Variants in ITFG2 observed in about 807,000 individuals in gnomAD.
ITFG2 encodes the protein KICSTOR complex protein ITFG2.
Under a neutral mutation model 54.4 loss-of-function variants are expected in ITFG2, and 36 were observed. The observed-to-expected ratio is 0.66, with a 90% CI of 0.51 to 0.87. The LOEUF (loss-of-function observed/expected upper bound fraction) is 0.87, where lower values mean the gene tolerates loss of function less well. ITFG2 is among the 40% of genes least tolerant of loss of function. ITFG2 has a pLI of 0.00. For missense variants in ITFG2, 524 were observed against 576.7 expected (o/e 0.91, Z 0.94); for synonymous variants, 211 against 225.4 (o/e 0.94, Z 0.57).
At position 2,859,015 on chromosome 12, in the gene ITFG2, G is replaced by C. The variant is rs139471742; in HGVS notation, n.621-519G>C. The stretch of plus-strand genomic sequence containing the variant: ...GAGGCACCCTGGGAGGTTTGTACTG[G>C]GCTGAAATCCAGTCCCCCTACTTTG... On this transcript the variant is annotated intron_variant and non_coding_transcript_variant, in intron 3 of 3. Transcript: ENST00000537710. The C allele has an allele frequency of 2.5e-6, 4 of 1,612,250 alleles. No individual in the cohort carries two copies. The East Asian group carries it at 8.9e-5, about 36-fold the overall frequency.
At chr12:2,815,795 C>T (rs7298956) in intron 1 of ITFG2, among the ~76,000 whole-genome samples, 4,383 of 152,198 alleles carry the variant, frequency 0.029, 201 homozygotes, top group African/African-American at 0.1. Flanking sequence ...CCTCTCCTGC[C>T]CCCTAACACA....
upstream of ITFG2, chr12:2,834,660 G>A (rs201975553): frequency 1.8e-5 from 29 of 1,601,602 alleles, no homozygotes; most frequent in Admixed American, 1.9e-4. Flanking sequence ...TGGAGGTGCC[G>A]AGCCTCTTGA....
At chr12:2,825,345 A>C (rs764825124), downstream of ITFG2, 1 of 152,298 alleles carries the variant, frequency 6.6e-6, no homozygotes, top group South Asian at 2.1e-4. Context: ...AAGAACATCG[A>C]CATAGAGAAA....
In ITFG2 at chr12:2,844,112, G is replaced by T. The variant is rs1233460013; in HGVS notation, n.300+3117G>T. 1.3e-5 allele frequency among the ~76,000 whole-genome samples: 2 copies of T among 148,956 alleles called. 1 individual carries two copies. Among genetic ancestry groups the T allele is most frequent in the African/African-American group, 5.0e-5 (2 of 39,888 alleles). On this transcript the variant is annotated intron_variant and non_coding_transcript_variant, in intron 2 of 3. Coordinates refer to the ITFG2 transcript ENST00000537710. The stretch of plus-strand genomic sequence containing the variant: ...TCTACTAAAAATACAAAAAAAAATA[G>T]CCAGGCATGGTGGCACACGCTTGTG...
chr12:2,817,537 T>C (rs1395287905), intron 2 of ITFG2: 1 of 568,258 alleles, frequency 1.8e-6, no homozygotes, highest in African/African-American at 1.9e-5. Flanking sequence ...GGTGTTTTTG[T>C]GTCGTGGAGT....
chr12:2,857,386 G>A, intron 2 of ITFG2: 1 of 321,668 alleles, frequency 3.1e-6, no homozygotes, highest in Non-Finnish European at 6.0e-6. Context: ...TACCCCTCGT[G>A]AGCTTGTCTT....
downstream of ITFG2, chr12:2,830,918 C>T (rs1603484297): frequency 3.2e-6 from 5 of 1,570,628 alleles, no homozygotes; most frequent in Non-Finnish European, 4.3e-6. Flanking sequence ...ATCCAGGCTG[C>T]TCAGTTACCC....
At chr12:2,814,486 G>A (rs1484838054) in intron 1 of ITFG2, among the ~76,000 whole-genome samples, 2 of 152,100 alleles carry the variant, frequency 1.3e-5, no homozygotes, top group Non-Finnish European at 2.9e-5. Flanking sequence ...CATAGGGGTA[G>A]GAATGTTTTA....
chr12:2,826,965 A>G (rs187352921), downstream of ITFG2: 2 of 1,338,568 alleles, frequency 1.5e-6, no homozygotes, highest in African/African-American at 3.0e-5. Flanking sequence ...TGGGAGGAAG[A>G]TGAATCAGAA....
intron 2 of ITFG2, chr12:2,830,508 G>A (rs530972890): frequency 1.1e-4 from 61 of 531,388 alleles, no homozygotes; most frequent in African/African-American, 1.0e-3. Flanking sequence ...TAATGGTGGT[G>A]ACAGATGGAG....
upstream of ITFG2, among the ~76,000 whole-genome samples, chr12:2,835,328 G>A (rs192082796): frequency 3.4e-3 from 525 of 152,190 alleles, 3 homozygotes; most frequent in African/African-American, 0.012. Flanking sequence ...TGTGGCCCCC[G>A]CCCTCCTCTG....
rs924212979 is a variant in ITFG2, at chr12:2,821,552, C to G, written c.803C>G (p.Thr268Ser). 1.2e-6 allele frequency: 2 copies of G among 1,614,080 alleles called. No individual in the cohort carries two copies. The highest frequency in any genetic ancestry group is 1.3e-5 in the African/African-American group (1 of 74,924). ...LIGNIKQGHGTESSGSGLFAL... is the reference protein window; with the variant it reads ...LIGNIKQGHGSESSGSGLFAL... ...CCTCTGGTCCTCACAGGCCACGGCA[C>G]TGAGAGTAGTGGCTCTGGCCTCTTT... The change falls in exon 8 of 12, where the codon ACT (threonine) becomes AGT (serine). Residue 268 changes from threonine (T) to serine (S), a missense_variant. Thr to Ser is a moderately conservative substitution (Grantham distance 58). Transcript: ENST00000228799.
At chr12:2,855,020 TCTTC>T (rs1027187286) in intron 2 of ITFG2, 50 of 1,536,010 alleles carry the variant, frequency 3.3e-5, no homozygotes, top group African/African-American at 4.1e-5. Flanking sequence ...ATCACCTGCT[TCTTC>T]CTTTTCATGT....
Position 2,812,712 on chromosome 12 carries a change from C to T in ITFG2, c.-49C>T, listed in dbSNP as rs2097911708. ...TCTGGCGGCTGTCGCGACGGGGGTT[C>T]AGGGAATATTTACTGGGCCTCTCCG... On this transcript the variant is annotated 5_prime_UTR_variant, in exon 1 of 12. Transcript: ENST00000228799. The T allele has an allele frequency of 2.0e-6, 3 of 1,527,268 alleles. No individual in the cohort carries two copies. The highest frequency in any genetic ancestry group is 1.1e-5 in the South Asian group (1 of 88,910). The allele number at this position is 1,527,268 out of a possible 1,614,324, so 94.6% of individuals were successfully genotyped here.
chr12:2,818,521 G>C (rs1396009210), intron 4 of ITFG2: 2 of 626,530 alleles, frequency 3.2e-6, no homozygotes, highest in East Asian at 7.1e-5. Flanking sequence ...ATATAGGCTA[G>C]GTGTGCTGCC....
chr12:2,827,010 C>T, downstream of ITFG2: 7 of 1,405,522 alleles, frequency 5.0e-6, no homozygotes, highest in South Asian at 9.7e-5. The surrounding 1 kb of genome is among the most constrained non-coding windows in gnomAD (Gnocchi z 4.0). Context: ...GAAAACTCGT[C>T]CTGGGGAGTA....
chr12:2,829,047 A>G (rs185892248), downstream of ITFG2, among the ~76,000 whole-genome samples: 42 of 152,150 alleles, frequency 2.8e-4, no homozygotes, highest in Admixed American at 2.7e-3. Context: ...AAAAAATAAA[A>G]TGGAAAAAAA....
chr12:2,846,449 A>G lies in ITFG2; in HGVS notation n.300+5454A>G, dbSNP rs568627068. On this transcript the variant is annotated intron_variant and non_coding_transcript_variant, in intron 2 of 3. Transcript: ENST00000537710. ...TAGCCCGAGAAGCAGATGGTAGCCC[A>G]GGCCTTGCAGTCCCCGCTCCAGCAC... 2.0e-5 allele frequency among the ~76,000 whole-genome samples: 3 copies of G among 152,214 alleles called. No individual in the cohort carries two copies. In the East Asian group the frequency reaches 5.8e-4, roughly 30 times the overall value.
chr12:2,846,049 C>CT (rs1273326532), intron 2 of ITFG2, among the ~76,000 whole-genome samples: 2 of 152,158 alleles, frequency 1.3e-5, no homozygotes, highest in African/African-American at 4.8e-5. Flanking sequence ...AGGTCGCGTG[C>CT]TTGCTATTGC....
Sources: allele counts gnomAD v4.1 joint callset (sites outside exome capture counted in the v4.1 genomes callset), GRCh38; gene constraint gnomAD v4.1.1; non-coding constraint Gnocchi (gnomAD v3.1); transcripts MANE v1.5; gene names NCBI Gene and HGNC (gene_info 2026-07-23, HGNC 2026-07-21).